CCDC85C: variants seen among roughly 807,000 people sequenced by gnomAD.
CCDC85C encodes coiled-coil domain-containing protein 85C.
In CCDC85C, 18 loss-of-function variants were observed where a neutral mutation model predicts 38.3. The ratio of observed to expected loss-of-function variants is 0.47; its 90% confidence interval spans 0.33 to 0.70. The LOEUF (loss-of-function observed/expected upper bound fraction) is 0.70. Ranked by LOEUF, CCDC85C falls within the 30% of genes least tolerant of loss-of-function variation. The pLI is 0.03. For missense variants in CCDC85C, 566 were observed against 621.2 expected, an observed-to-expected ratio of 0.91 and a Z score of 0.94; for synonymous variants, 264 against 293.8, an observed-to-expected ratio of 0.90 and a Z score of 1.04.
At chr14:99,564,399 G>T (rs1898175744) in intron 1 of CCDC85C, among the ~76,000 whole-genome samples, 1 of 152,186 alleles carries the variant, frequency 6.6e-6, no homozygotes, top group Non-Finnish European at 1.5e-5. Flanking sequence ...ATATGCCTGT[G>T]CCCACCTTGC....
At position 99,603,204 on chromosome 14, in the gene CCDC85C, C is replaced by T; in HGVS notation, c.756G>A (p.Ala252=). ...ATRRSLDDLS[A]PPHHRSIPNG... Reference sequence around the variant, plus strand: ...TGGGGATGCTGCGGTGGTGCGGCGGCGCCGACAAGTCGTCCAGGGACCGAC... The same window carrying T: ...TGGGGATGCTGCGGTGGTGCGGCGGTGCCGACAAGTCGTCCAGGGACCGAC... Residue 252 remains alanine (A), a synonymous_variant, in exon 1 of 6, where the codon GCG becomes GCA. Coordinates refer to ENST00000380243, the MANE Select transcript of CCDC85C (RefSeq NM_001144995.2). This position sits in a 1 kb window ranked among gnomAD's most constrained non-coding sequence, Gnocchi z 7.5. 7.0e-7 allele frequency: 1 copy of T among 1,426,984 alleles called. No individual in the cohort carries two copies. The highest frequency in any genetic ancestry group is 9.2e-7 in the Non-Finnish European group (1 of 1,092,716). 88.4% of individuals were successfully genotyped at this position (1,426,984 alleles called of 1,614,324 possible).
At position 99,521,509 on chromosome 14, in the gene CCDC85C, C is replaced by A. The variant is rs78284662; in HGVS notation, c.975+624G>T. On this transcript the variant is annotated intron_variant, in intron 3 of 5. Coordinates refer to ENST00000380243, the MANE Select transcript of CCDC85C (RefSeq NM_001144995.2). ...ATACACGGCTCTGCAGGTGCCGCAA[C>A]GAGAACAGCCGATGCTTCCCAAGCA... Among the ~76,000 whole-genome samples the A allele has an allele frequency of 3.6e-3, 554 of 152,262 alleles. 2 individuals carry two copies. The highest frequency in any genetic ancestry group is 0.012 in the African/African-American group (497 of 41,560).
intron 1 of CCDC85C, among the ~76,000 whole-genome samples, chr14:99,584,140 G>A (rs1463873775): frequency 6.6e-6 from 1 of 152,122 alleles, no homozygotes. Context: ...AAATCCTCCT[G>A]CCTTAGCCTC....
intron 2 of CCDC85C, among the ~76,000 whole-genome samples, chr14:99,530,898 A>G (rs1897480218): frequency 6.6e-6 from 1 of 152,240 alleles, no homozygotes; most frequent in Admixed American, 6.5e-5. Context: ...AGAAGGAGCC[A>G]GCCCTGCTGA....
chr14:99,553,988 G>C (rs889075001), intron 1 of CCDC85C, among the ~76,000 whole-genome samples: 1 of 152,196 alleles, frequency 6.6e-6, no homozygotes, highest in African/African-American at 2.4e-5. Flanking sequence ...CTCTGGGAGA[G>C]TGCAGGTTGC....
rs1898153039 is a variant in CCDC85C at position 99,563,291 on chromosome 14, T to G, written c.794-27203A>C. ...GGGCCTGGGCCCCTGCCCTGCCGCG[T>G]TCCATCCTTTGTATGGTCAACAATA... On this transcript the variant is annotated intron_variant, in intron 1 of 5. Coordinates refer to ENST00000380243, the MANE Select transcript of CCDC85C (RefSeq NM_001144995.2). 2.0e-5 allele frequency among the ~76,000 whole-genome samples: 3 copies of G among 152,390 alleles called. No individual in the cohort carries two copies. The South Asian group carries it at 6.2e-4, about 32-fold the overall frequency.
At chr14:99,550,519 G>A (rs986901177) in intron 1 of CCDC85C, among the ~76,000 whole-genome samples, 1 of 152,208 alleles carries the variant, frequency 6.6e-6, no homozygotes, top group Non-Finnish European at 1.5e-5. Flanking sequence ...GTAGTCATGT[G>A]TGACAGCAGC....
intron 1 of CCDC85C, among the ~76,000 whole-genome samples, chr14:99,573,598 C>G (rs540985039): frequency 1.3e-5 from 2 of 152,214 alleles, no homozygotes; most frequent in Non-Finnish European, 2.9e-5. Flanking sequence ...CCTGGACGTT[C>G]TGGCTCAAAG....
chr14:99,539,890 T>C (rs1897677617), intron 1 of CCDC85C, among the ~76,000 whole-genome samples: 2 of 152,014 alleles, frequency 1.3e-5, no homozygotes, highest in Non-Finnish European at 2.9e-5. Flanking sequence ...CTCATGCCTG[T>C]AATCCCAGCA....
chr14:99,600,548 C>A (rs1486833478), intron 1 of CCDC85C, among the ~76,000 whole-genome samples: 2 of 152,144 alleles, frequency 1.3e-5, no homozygotes, highest in Admixed American at 6.5e-5. Context: ...GACAACAGAC[C>A]AAGGGCACAA....
intron 1 of CCDC85C, among the ~76,000 whole-genome samples, chr14:99,553,334 C>T (rs953496416): frequency 2.0e-5 from 3 of 149,330 alleles, no homozygotes; most frequent in African/African-American, 5.0e-5. Context: ...AAATCTCACA[C>T]GGGGGCCACT....
intron 1 of CCDC85C, among the ~76,000 whole-genome samples, chr14:99,560,224 A>C (rs1898091185): frequency 6.6e-6 from 1 of 152,140 alleles, no homozygotes; most frequent in Non-Finnish European, 1.5e-5. Flanking sequence ...CCACACACGC[A>C]GCCCTCATGC....
chr14:99,554,498 G>C (rs2139941611), intron 1 of CCDC85C, among the ~76,000 whole-genome samples: 1 of 152,336 alleles, frequency 6.6e-6, no homozygotes, highest in South Asian at 2.1e-4. Context: ...AGGCGGGCAG[G>C]GGGTAAGCGC....
At position 99,504,765 on chromosome 14, in the gene CCDC85C, T is replaced by C. The variant is rs1315246883; in HGVS notation, c.*10481A>G. On this transcript the variant is annotated 3_prime_UTR_variant, in exon 6 of 6. Transcript: ENST00000380243. ...GTGCCCAGCCTACAGGTGAATTTTT[T>C]AATTAGCTTCAAATTGACCGACATT... 2 of 152,236 alleles carry C rather than the reference T, an allele frequency of 1.3e-5. No individual in the cohort carries two copies. The highest frequency in any genetic ancestry group is 2.9e-5 in the Non-Finnish European group (2 of 68,054). 9.4% of individuals were successfully genotyped at this position (152,236 alleles called of 1,614,324 possible).
Position 99,503,319 on chromosome 14 carries a change from G to A in CCDC85C, c.*11927C>T, listed in dbSNP as rs887616130. ...CTGTGCAGCTGCCTGACCCCAAACA[G>A]TGGACCGTTTCCTGCACCCAAGTGG... On this transcript the variant is annotated 3_prime_UTR_variant, in exon 6 of 6. Coordinates refer to ENST00000380243, the MANE Select transcript of CCDC85C (RefSeq NM_001144995.2). 5 of 603,444 alleles carry A rather than the reference G, an allele frequency of 8.3e-6. No homozygotes were observed. The highest frequency in any genetic ancestry group is 1.9e-5 in the South Asian group (1 of 52,120). The allele number at this position is 603,444 out of a possible 1,614,324, so 37.4% of individuals were successfully genotyped here. A position where few individuals can be genotyped will look rare whatever the true frequency, so the allele number is the denominator to read the frequency against.
At chr14:99,571,073 C>G (rs1898330611) in intron 1 of CCDC85C, among the ~76,000 whole-genome samples, 1 of 152,180 alleles carries the variant, frequency 6.6e-6, no homozygotes, top group Admixed American at 6.5e-5. Flanking sequence ...GTGACCCCAC[C>G]TGCCAGGGAC....
intron 1 of CCDC85C, among the ~76,000 whole-genome samples, chr14:99,556,383 CAGCCTGAGTCACAGAATGAG>C (rs754032964): frequency 2.0e-5 from 3 of 152,230 alleles, no homozygotes; most frequent in Non-Finnish European, 2.9e-5. Flanking sequence ...CACTGCACTC[CAGCCTGAGTCACAGAATGAG>C]ACCCTGTCTC....
rs375588165 is a variant in CCDC85C, at chr14:99,539,050, G to T, written c.794-2962C>A. Reference sequence around the variant, plus strand: ...TTTACCCCAAACCCCAGGCAGCTATGCAGAATAAAATACACTGCAGACCAC... The same window carrying T: ...TTTACCCCAAACCCCAGGCAGCTATTCAGAATAAAATACACTGCAGACCAC... On this transcript the variant is annotated intron_variant, in intron 1 of 5. Coordinates refer to ENST00000380243, the MANE Select transcript of CCDC85C (RefSeq NM_001144995.2). Among the ~76,000 whole-genome samples, 52 of 152,350 alleles carry T rather than the reference G, an allele frequency of 3.4e-4. No individual in the cohort carries two copies. The Middle Eastern group carries it at 0.014, about 40-fold the overall frequency.
intron 1 of CCDC85C, among the ~76,000 whole-genome samples, chr14:99,567,385 G>C (rs575228969): frequency 6.6e-6 from 1 of 152,214 alleles, no homozygotes; most frequent in Non-Finnish European, 1.5e-5. Context: ...AGTTGGGGGC[G>C]TGACAACCAG....
Sources: gnomAD v4.1 joint callset for allele counts (sites outside exome capture counted in the v4.1 genomes callset) on GRCh38, gnomAD v4.1.1 for gene constraint, Gnocchi (gnomAD v3.1) non-coding constraint, MANE v1.5 for transcripts, NCBI Gene and HGNC (gene_info 2026-07-23, HGNC 2026-07-21) for gene names.